Variants in ZNF106 observed in about 807,000 individuals in gnomAD.
ZNF106 encodes zinc finger protein 106.
A neutral mutation model predicts 195.1 loss-of-function variants in ZNF106; 67 were observed. That is an observed-to-expected ratio of 0.34 (90% CI 0.28 to 0.42). The LOEUF (loss-of-function observed/expected upper bound fraction) is 0.42. Ranked by LOEUF, ZNF106 falls within the 10% of genes least tolerant of loss-of-function variation. The pLI is 1.00. For synonymous variants in ZNF106, 784 were observed against 818.6 expected (o/e 0.96, Z 0.72); for missense variants, 2,118 against 2,304.5 (o/e 0.92, Z 1.66).
At chr15:42,480,236 A>T (rs2056871358) in intron 1 of ZNF106, among the ~76,000 whole-genome samples, 1 of 152,236 alleles carries the variant, frequency 6.6e-6, no homozygotes, top group Non-Finnish European at 1.5e-5. Flanking sequence ...AAGCGCTGAT[A>T]TCAGGCACAA....
At chr15:42,427,875 A>G (rs1405585713) in intron 15 of ZNF106, 143 bp downstream of exon 15, 2 of 643,262 alleles carry the variant, frequency 3.1e-6, no homozygotes, top group South Asian at 3.7e-5. Flanking sequence ...ACATCAGAAG[A>G]TAACTGTGTT....
chr15:42,471,440 G>T (rs1235941922), intron 2 of ZNF106, among the ~76,000 whole-genome samples: 2 of 152,194 alleles, frequency 1.3e-5, no homozygotes, highest in African/African-American at 4.8e-5. Flanking sequence ...GTCCTAAAAA[G>T]ATGTTTTGGC....
At chr15:42,431,520 A>G (rs1456560209) in intron 14 of ZNF106, among the ~76,000 whole-genome samples, 1 of 151,680 alleles carries the variant, frequency 6.6e-6, no homozygotes, top group Non-Finnish European at 1.5e-5. Context: ...CAGCTTCCTG[A>G]GTAGCTGGGA....
chr15:42,477,865 G>A (rs1248816519), intron 1 of ZNF106, among the ~76,000 whole-genome samples: 1 of 151,194 alleles, frequency 6.6e-6, no homozygotes, highest in Non-Finnish European at 1.5e-5. Flanking sequence ...ACTCCAGCCT[G>A]AGCAACAAGA....
chr15:42,423,214 A>T (rs1184017756), intron 17 of ZNF106, among the ~76,000 whole-genome samples: 3 of 151,958 alleles, frequency 2.0e-5, no homozygotes, highest in South Asian at 4.2e-4. Context: ...CAAAAAATAT[A>T]AAAAAATTAG....
At chr15:42,486,819 T>C (rs1249208144) in intron 1 of ZNF106, among the ~76,000 whole-genome samples, 1 of 152,180 alleles carries the variant, frequency 6.6e-6, no homozygotes, top group East Asian at 1.9e-4. Context: ...CACCATATTG[T>C]ACACAATAAA....
intron 4 of ZNF106, among the ~76,000 whole-genome samples, chr15:42,454,145 A>G (rs1235212658): frequency 1.3e-5 from 2 of 152,200 alleles, no homozygotes; most frequent in African/African-American, 4.8e-5. Context: ...AAAGGCTTTC[A>G]ATGTCTATGA....
intron 2 of ZNF106, among the ~76,000 whole-genome samples, chr15:42,470,524 G>A: frequency 6.6e-6 from 1 of 151,494 alleles, no homozygotes; most frequent in African/African-American, 2.4e-5. Context: ...TTAAAAAAAA[G>A]GAAAATAAAT....
Position 42,442,257 on chromosome 15 carries a change from T to C in ZNF106, c.3579A>G (p.Ser1193=), listed in dbSNP as rs747746306. The C allele has an allele frequency of 4.3e-6, 7 of 1,614,010 alleles. No individual in the cohort carries two copies. In the East Asian group the frequency reaches 1.3e-4, roughly 31 times the overall value. ...TTATTTGAAGAGAGGCTCCGGTGGG[T>C]GATGGAGACACATGGGAAGATGGAG... ...LEPPSSHVSP[S]PTGASLQITT... is the part of the protein sequence containing the mutation. The change falls in exon 10 of 22, where the codon TCA becomes TCG. Residue 1193 remains serine, a synonymous_variant. Coordinates refer to ENST00000564754, the MANE Select transcript of ZNF106 (RefSeq NM_001366845.3).
chr15:42,460,757 G>A (rs1340592461), intron 3 of ZNF106, among the ~76,000 whole-genome samples: 1 of 152,052 alleles, frequency 6.6e-6, no homozygotes, highest in African/African-American at 2.4e-5. Context: ...CTACTTGGGA[G>A]GTTGAGGCAG....
intron 4 of ZNF106, among the ~76,000 whole-genome samples, chr15:42,452,342 G>A (rs538711845): frequency 3.4e-4 from 52 of 152,100 alleles, no homozygotes; most frequent in African/African-American, 1.3e-3. Context: ...GGCCGACATG[G>A]AGAAACCCCA....
At chr15:42,479,233 G>C (rs2056849314) in intron 1 of ZNF106, among the ~76,000 whole-genome samples, 1 of 152,008 alleles carries the variant, frequency 6.6e-6, no homozygotes, top group Non-Finnish European at 1.5e-5. Context: ...AATTAGCTGG[G>C]CATGGTGGTG....
At chr15:42,475,346 G>A (rs2056762416) in intron 1 of ZNF106, among the ~76,000 whole-genome samples, 1 of 152,154 alleles carries the variant, frequency 6.6e-6, no homozygotes, top group Non-Finnish European at 1.5e-5. Context: ...GGAGGCTGAG[G>A]CAGGAGAATC....
At position 42,451,370 on chromosome 15, in the gene ZNF106, T is replaced by G. The variant is rs1192578574; in HGVS notation, c.902A>C (p.Tyr301Ser). 1 of 1,614,108 alleles carries G rather than the reference T, an allele frequency of 6.2e-7. No homozygotes were observed. Among genetic ancestry groups the G allele is most frequent in the East Asian group, 2.2e-5 (1 of 44,884 alleles). The change falls in exon 5 of 22, where the codon TAT (tyrosine) becomes TCT (serine). Residue 301 changes from tyrosine (Y) to serine (S), a missense_variant. Coordinates refer to ENST00000564754, the MANE Select transcript of ZNF106 (RefSeq NM_001366845.3). ...GTCATTTTCTTGCCGCTGCCAATTA[T>G]ATCTGTCGTGACTGTATTTGTTTGA... ...NKSNKYSHDRYNWQRQENDKL... is the reference protein window; with the variant it reads ...NKSNKYSHDRSNWQRQENDKL...
At chr15:42,424,190 GTTTCTCAGATGAAT>G in intron 16 of ZNF106, 130 bp from the exon 17 acceptor site, 1 of 724,792 alleles carries the variant, frequency 1.4e-6, no homozygotes, top group Non-Finnish European at 2.2e-6. Flanking sequence ...AGGTATAAAA[GTTTCTCAGATGAAT>G]TTTCTCAGCT....
chr15:42,444,333 C>T lies in ZNF106; in HGVS notation c.3361-71G>A, dbSNP rs1248016998. 3 of 1,221,368 alleles carry T rather than the reference C, an allele frequency of 2.5e-6. No individual in the cohort carries two copies. The South Asian group carries it at 3.8e-5, about 16-fold the overall frequency. The allele number at this position is 1,221,368 out of a possible 1,614,324, so 75.7% of individuals were successfully genotyped here. On this transcript the variant is annotated intron_variant, in intron 8 of 21. Transcript: ENST00000564754. Reference sequence around the variant, plus strand: ...AGGTCCTCTAGGTCTCCCCATTTTTCTTCTATGTCCTGACCAAAAATCAGA... The same window carrying T: ...AGGTCCTCTAGGTCTCCCCATTTTTTTTCTATGTCCTGACCAAAAATCAGA...
chr15:42,431,733 C>A (rs2055053264), intron 14 of ZNF106, among the ~76,000 whole-genome samples: 1 of 152,110 alleles, frequency 6.6e-6, no homozygotes, highest in Admixed American at 6.5e-5. Flanking sequence ...CTTGGCCTCC[C>A]AAAGTGCTGG....
chr15:42,422,305 T>A (rs2054693447), intron 18 of ZNF106, among the ~76,000 whole-genome samples, 196 bp downstream of exon 18: 1 of 151,912 alleles, frequency 6.6e-6, no homozygotes, highest in Non-Finnish European at 1.5e-5. Flanking sequence ...TTGACACCCA[T>A]GACCCAGATC....
intron 1 of ZNF106, among the ~76,000 whole-genome samples, chr15:42,488,018 C>A (rs2057054241): frequency 6.6e-6 from 1 of 152,172 alleles, no homozygotes; most frequent in Admixed American, 6.5e-5. Context: ...TACTTTAAAT[C>A]ATCTCTAGAT....
Sources: gnomAD v4.1 joint callset for allele counts (sites outside exome capture counted in the v4.1 genomes callset) on GRCh38, gnomAD v4.1.1 for gene constraint, MANE v1.5 for transcripts, NCBI Gene and HGNC (gene_info 2026-07-23, HGNC 2026-07-21) for gene names.